Variants in TAC1 observed in about 807,000 individuals in gnomAD.
The protein encoded by TAC1 is tachykinin precursor 1, also known as protachykinin-1.
A neutral mutation model predicts 21.7 loss-of-function variants in TAC1; 12 were observed. The observed-to-expected ratio is 0.55, with a 90% confidence interval of 0.35 to 0.89. TAC1 has a LOEUF of 0.89. Ranked by LOEUF, TAC1 falls within the 40% of genes least tolerant of loss-of-function variation. The probability of loss-of-function intolerance (pLI) is 0.01; values close to 1 mark genes in which losing one functional copy is unlikely to be tolerated. For missense variants in TAC1, 128 were observed against 151.4 expected (o/e 0.85, Z 0.81); for synonymous variants, 52 against 52.0 (o/e 1.00, Z 0.00).
In TAC1 at chr7:97,732,970, A is replaced by ACTTTTT; in HGVS notation, c.123+235_123+236insCTTTTT. The ACTTTTT allele has an allele frequency of 4.0e-6, 2 of 494,140 alleles. No individual in the cohort carries two copies. The highest frequency in any genetic ancestry group is 7.2e-6 in the Non-Finnish European group (2 of 278,904). 30.6% of individuals were successfully genotyped at this position (494,140 alleles called of 1,614,324 possible). Reference sequence around the variant, plus strand: ...ACCGTCCGGCCCAGGAACTCCCTGCAGTAGGGATGCCCTCCCGGATGAGCC... The same window carrying ACTTTTT: ...ACCGTCCGGCCCAGGAACTCCCTGCACTTTTTGTAGGGATGCCCTCCCGGATGAGCC... On this transcript the variant is annotated intron_variant, in intron 2 of 6. Coordinates refer to ENST00000319273, the MANE Select transcript of TAC1 (RefSeq NM_003182.3). The surrounding 1 kb of genome is among the most constrained non-coding windows in gnomAD (Gnocchi z 6.2).
rs754088154 is a variant in TAC1, at chr7:97,732,577, G to A, written c.-9-27G>A. 1 of 1,613,144 alleles carries A rather than the reference G, an allele frequency of 6.2e-7. No individual in the cohort carries two copies. The highest frequency in any genetic ancestry group is 8.5e-7 in the Non-Finnish European group (1 of 1,179,616). On this transcript the variant is annotated intron_variant, in intron 1 of 6. Transcript: ENST00000319273. This position sits in a 1 kb window ranked among gnomAD's most constrained non-coding sequence, Gnocchi z 6.2. Reference sequence around the variant, plus strand: ...AATAGATACATTATTTCTCTCTTTGGTGTCTTCTCCTCCTACCCCTTCCCA... The same window carrying A: ...AATAGATACATTATTTCTCTCTTTGATGTCTTCTCCTCCTACCCCTTCCCA...
intron 3 of TAC1, 39 bp downstream of exon 3, chr7:97,733,858 C>T (rs1214280254): frequency 3.1e-6 from 5 of 1,587,452 alleles, no homozygotes; most frequent in South Asian, 1.1e-5. Flanking sequence ...TTGGGCAGCC[C>T]GCCCTGTCTG....
At chr7:97,733,081 C>A in intron 2 of TAC1, 1 of 223,720 alleles carries the variant, frequency 4.5e-6, no homozygotes, top group Non-Finnish European at 8.9e-6. Flanking sequence ...CTGCACTGCC[C>A]TAGCGTCTGG....
intron 2 of TAC1, 94 bp from the exon 3 acceptor site, chr7:97,733,625 GCCTC>G: frequency 8.3e-7 from 1 of 1,201,874 alleles, no homozygotes; most frequent in Non-Finnish European, 1.2e-6. Context: ...GCCTCCCCAC[GCCTC>G]GGGGCCGGAG....
rs73709121 is a variant in TAC1, at chr7:97,740,242, C to G, written c.*322C>G. On this transcript the variant is annotated 3_prime_UTR_variant, in exon 7 of 7. Coordinates refer to ENST00000319273, the MANE Select transcript of TAC1 (RefSeq NM_003182.3). ...TTTGAAGCAGTTGTGTCAGCTACTG[C>G]GGAAAAGGAAGGAAACTCCTGACAG... 2,780 of 184,620 alleles carry G rather than the reference C, an allele frequency of 0.015. 71 individuals carry two copies. Among genetic ancestry groups the G allele is most frequent in the African/African-American group, 0.057 (2,434 of 42,876 alleles). The allele number at this position is 184,620 out of a possible 1,614,324, so 11.4% of individuals were successfully genotyped here. A position where few individuals can be genotyped will look rare whatever the true frequency, so the allele number is the denominator to read the frequency against.
chr7:97,738,910 G>T (rs1789636100), intron 6 of TAC1, among the ~76,000 whole-genome samples: 1 of 151,488 alleles, frequency 6.6e-6, no homozygotes, highest in African/African-American at 2.4e-5. Flanking sequence ...ATTCGTTAAG[G>T]ATGAAAAATA....
chr7:97,732,383 G>A lies in TAC1; in HGVS notation c.-10+188G>A, dbSNP rs1404602548. Among the ~76,000 whole-genome samples the A allele has an allele frequency of 6.6e-6, 1 of 152,168 alleles. No individual in the cohort carries two copies. Among genetic ancestry groups the A allele is most frequent in the Non-Finnish European group, 1.5e-5 (1 of 68,022 alleles). On this transcript the variant is annotated intron_variant, in intron 1 of 6. Transcript: ENST00000319273. This position sits in a 1 kb window ranked among gnomAD's most constrained non-coding sequence, Gnocchi z 6.2. ...TTTGAAGGTGTGGGTTGGTGGGTTAGGGGGCTGGGGGAGTTGGGATTCAGG... is the reference window on the plus strand; with the variant it reads ...TTTGAAGGTGTGGGTTGGTGGGTTAAGGGGCTGGGGGAGTTGGGATTCAGG...
At position 97,739,934 on chromosome 7, in the gene TAC1, ATTAT is replaced by A; in HGVS notation, c.*20_*23del. The A allele has an allele frequency of 6.3e-7, 1 of 1,589,786 alleles. No individual in the cohort carries two copies. The highest frequency in any genetic ancestry group is 8.6e-7 in the Non-Finnish European group (1 of 1,164,482). On this transcript the variant is annotated 3_prime_UTR_variant, in exon 7 of 7. Coordinates refer to ENST00000319273, the MANE Select transcript of TAC1 (RefSeq NM_003182.3). ...AGAAGACGTTAATAAACTACCTAAC[ATTAT>A]TTATTCAGCTTCATTTGTGTCAATG...
At chr7:97,739,655 A>G (rs1233548605) in intron 6 of TAC1, among the ~76,000 whole-genome samples, 1 of 152,070 alleles carries the variant, frequency 6.6e-6, no homozygotes, top group Admixed American at 6.6e-5. Flanking sequence ...TATATGATGA[A>G]TGATGAATGA....
chr7:97,735,137 T>C (rs1401660710), intron 5 of TAC1, among the ~76,000 whole-genome samples: 1 of 152,148 alleles, frequency 6.6e-6, no homozygotes, highest in African/African-American at 2.4e-5. Flanking sequence ...AAATCTACCA[T>C]ACATATTTCT....
chr7:97,734,276 G>C lies in TAC1; in HGVS notation c.249G>C (p.Leu83=), dbSNP rs1410461298. 1 of 1,613,702 alleles carries C rather than the reference G, an allele frequency of 6.2e-7. No individual in the cohort carries two copies. Among genetic ancestry groups the C allele is most frequent in the African/African-American group, 1.3e-5 (1 of 74,916 alleles). The stretch of plus-strand genomic sequence containing the variant: ...CCTCAATTGAAAAACAAGTGGCCCT[G>C]TTAAAGGCTCTTTATGGTAAACATT... The part of the protein sequence containing the change: ...ADSSIEKQVA[L]LKALYGHGQI... The change falls in exon 4 of 7, where the codon CTG becomes CTC. Residue 83 remains leucine (L), a synonymous_variant. Coordinates refer to ENST00000319273, the MANE Select transcript of TAC1 (RefSeq NM_003182.3).
rs1789545570 is a variant in TAC1 at position 97,734,808 on chromosome 7, A to C, written c.266-18A>C. The stretch of plus-strand genomic sequence containing the variant: ...AAAACAAATCTATATGTGTTTGCTA[A>C]TTTTATCTTTCTTCTAGGACATGGC... On this transcript the variant is annotated intron_variant, in intron 4 of 6. Coordinates refer to ENST00000319273, the MANE Select transcript of TAC1 (RefSeq NM_003182.3). 1.9e-6 allele frequency: 3 copies of C among 1,585,870 alleles called. No homozygotes were observed. The highest frequency in any genetic ancestry group is 2.6e-6 in the Non-Finnish European group (3 of 1,160,132).
chr7:97,740,027 T>C lies in TAC1; in HGVS notation c.*107T>C. The C allele has an allele frequency of 1.2e-6, 1 of 839,248 alleles. No individual in the cohort carries two copies. The highest frequency in any genetic ancestry group is 3.4e-5 in the Admixed American group (1 of 29,804). The allele number at this position is 839,248 out of a possible 1,614,324, so 52.0% of individuals were successfully genotyped here. On this transcript the variant is annotated 3_prime_UTR_variant, in exon 7 of 7. Coordinates refer to ENST00000319273, the MANE Select transcript of TAC1 (RefSeq NM_003182.3). ...TAATTATTTATTTAATAACAATTGT[T>C]TGGGGTTGAAAATTCAAAAAGTGTT...
In TAC1 at chr7:97,732,832, C is replaced by T; in HGVS notation, c.123+97C>T. 2 of 1,450,706 alleles carry T rather than the reference C, an allele frequency of 1.4e-6. No homozygotes were observed. The highest frequency in any genetic ancestry group is 1.3e-5 in the South Asian group (1 of 75,574). 89.9% of individuals were successfully genotyped at this position (1,450,706 alleles called of 1,614,324 possible). A position where few individuals can be genotyped will look rare whatever the true frequency, so the allele number is the denominator to read the frequency against. On this transcript the variant is annotated intron_variant, in intron 2 of 6. Transcript: ENST00000319273. This position sits in a 1 kb window ranked among gnomAD's most constrained non-coding sequence, Gnocchi z 6.2. Reference sequence around the variant, plus strand: ...GCACCCTAGTTAACGTGGCACGCACCGCCACCACGGAAAGAGGCAGCGGTT... The same window carrying T: ...GCACCCTAGTTAACGTGGCACGCACTGCCACCACGGAAAGAGGCAGCGGTT...
In TAC1 at chr7:97,734,244, T is replaced by G; in HGVS notation, c.221-4T>G. 6.2e-7 allele frequency: 1 copy of G among 1,613,930 alleles called. No individual in the cohort carries two copies. Among genetic ancestry groups the G allele is most frequent in the Non-Finnish European group, 8.5e-7 (1 of 1,179,828 alleles). ...GTAGTTAATGACAATTCGTCTCTTG[T>G]CAGATTCCTCAATTGAAAAACAAGT... On this transcript the variant is annotated splice_polypyrimidine_tract_variant and splice_region_variant and intron_variant, in intron 3 of 6. Transcript: ENST00000319273.
Position 97,732,558 on chromosome 7 carries a change from T to TA in TAC1, c.-9-45dup. ...CTCTTGGATAACCACCCCTAATAGA[T>TA]ACATTATTTCTCTCTTTGGTGTCTT... is the stretch of plus-strand genomic sequence containing the variant. On this transcript the variant is annotated intron_variant, in intron 1 of 6. Coordinates refer to ENST00000319273, the MANE Select transcript of TAC1 (RefSeq NM_003182.3). This position sits in a 1 kb window ranked among gnomAD's most constrained non-coding sequence, Gnocchi z 6.2. 6.2e-7 allele frequency: 1 copy of TA among 1,608,918 alleles called. No homozygotes were observed. Among genetic ancestry groups the TA allele is most frequent in the Non-Finnish European group, 8.5e-7 (1 of 1,177,184 alleles).
intron 2 of TAC1, 150 bp from the exon 3 acceptor site, chr7:97,733,573 G>T: frequency 1.6e-6 from 1 of 632,178 alleles, no homozygotes; most frequent in Admixed American, 3.1e-5. Flanking sequence ...GAGAGGCAGC[G>T]CCTCGGGAGG....
Position 97,732,801 on chromosome 7 carries a change from G to C in TAC1, c.123+66G>C. On this transcript the variant is annotated intron_variant, in intron 2 of 6. Coordinates refer to ENST00000319273, the MANE Select transcript of TAC1 (RefSeq NM_003182.3). The surrounding 1 kb of genome is among the most constrained non-coding windows in gnomAD (Gnocchi z 6.2). Reference sequence around the variant, plus strand: ...GGCTCGGGAGCTGTCACCTTCCCACGCAACAGCACCCTAGTTAACGTGGCA... The same window carrying C: ...GGCTCGGGAGCTGTCACCTTCCCACCCAACAGCACCCTAGTTAACGTGGCA... 6.4e-7 allele frequency: 1 copy of C among 1,566,708 alleles called. No individual in the cohort carries two copies.
chr7:97,733,067 C>A, intron 2 of TAC1: 1 of 249,742 alleles, frequency 4.0e-6, no homozygotes, highest in Admixed American at 4.7e-5. Flanking sequence ...GGGCTCCGGT[C>A]CAGCTGCACT....
Sources: allele counts gnomAD v4.1 joint callset (sites outside exome capture counted in the v4.1 genomes callset), GRCh38; gene constraint gnomAD v4.1.1; non-coding constraint Gnocchi (gnomAD v3.1); transcripts MANE v1.5; gene names NCBI Gene and HGNC (gene_info 2026-07-23, HGNC 2026-07-21).